Variants in SHC4 observed in about 807,000 individuals in gnomAD.
SHC4 encodes SHC adaptor protein 4.
A neutral mutation model predicts 69.4 loss-of-function variants in SHC4; 41 were observed. The ratio of observed to expected loss-of-function variants is 0.59; its 90% confidence interval spans 0.46 to 0.77. The LOEUF (loss-of-function observed/expected upper bound fraction) is 0.77, where lower values mean the gene tolerates loss of function less well. SHC4 is among the 30% of genes least tolerant of loss of function. The pLI is 0.00. For synonymous variants in SHC4, 318 were observed against 299.3 expected (o/e 1.06, Z -0.64); for missense variants, 777 against 783.8 (o/e 0.99, Z 0.10).
At chr15:48,877,725 T>A in intron 4 of SHC4, 1 of 258,564 alleles carries the variant, frequency 3.9e-6, no homozygotes, top group Non-Finnish European at 6.1e-6. Context: ...GATTAGTTCT[T>A]AATATGCTGA....
At chr15:48,954,572 A>G (rs554567861) in intron 1 of SHC4, among the ~76,000 whole-genome samples, 1 of 152,362 alleles carries the variant, frequency 6.6e-6, no homozygotes, top group South Asian at 2.1e-4. Context: ...GCTTTGCTGC[A>G]CTGGAGGAGC....
At chr15:48,875,441 A>G (rs893351560) in intron 4 of SHC4, among the ~76,000 whole-genome samples, 1 of 152,236 alleles carries the variant, frequency 6.6e-6, no homozygotes, top group Admixed American at 6.5e-5. Context: ...GCCTGCTTCT[A>G]AGGACATTTG....
chr15:48,859,608 G>A (rs1899399562), intron 6 of SHC4, among the ~76,000 whole-genome samples: 1 of 152,096 alleles, frequency 6.6e-6, no homozygotes, highest in African/African-American at 2.4e-5. Flanking sequence ...GATAGAAAAT[G>A]CTCTAAACAT....
At chr15:48,890,176 A>G (rs1158708798) in intron 3 of SHC4, among the ~76,000 whole-genome samples, 1 of 152,096 alleles carries the variant, frequency 6.6e-6, no homozygotes, top group African/African-American at 2.4e-5. Context: ...AGAGTACACC[A>G]TTTGTAGGTG....
chr15:48,936,563 C>T (rs1567074187), intron 1 of SHC4, among the ~76,000 whole-genome samples: 1 of 152,174 alleles, frequency 6.6e-6, no homozygotes, highest in Non-Finnish European at 1.5e-5. Flanking sequence ...CAAGCTTGTG[C>T]CTGCTTCCCC....
chr15:48,904,487 T>G (rs1342895632), intron 2 of SHC4, among the ~76,000 whole-genome samples: 1 of 152,244 alleles, frequency 6.6e-6, no homozygotes, highest in Non-Finnish European at 1.5e-5. Flanking sequence ...TCCACATGAT[T>G]GAGAAATCCT....
At chr15:48,914,701 T>G (rs906812267) in intron 2 of SHC4, among the ~76,000 whole-genome samples, 6 of 152,194 alleles carry the variant, frequency 3.9e-5, no homozygotes, top group African/African-American at 1.4e-4. Flanking sequence ...ACTTCAGTAC[T>G]CCAAAAATAT....
intron 2 of SHC4, among the ~76,000 whole-genome samples, chr15:48,920,634 G>A (rs537120082): frequency 3.9e-5 from 6 of 152,220 alleles, no homozygotes; most frequent in African/African-American, 1.4e-4. Context: ...GTACCAATTA[G>A]TACAAATAGA....
intron 2 of SHC4, among the ~76,000 whole-genome samples, chr15:48,906,132 T>C (rs1900401497): frequency 6.6e-6 from 1 of 152,164 alleles, no homozygotes; most frequent in Admixed American, 6.5e-5. Flanking sequence ...CTAAGTCCTA[T>C]AAAAGGGGCC....
intron 1 of SHC4, among the ~76,000 whole-genome samples, chr15:48,949,950 A>G (rs1438615062): frequency 1.4e-5 from 2 of 143,412 alleles, no homozygotes; most frequent in Non-Finnish European, 3.0e-5. Context: ...TATATATTAT[A>G]TATAATTTTA....
At chr15:48,943,630 C>T (rs1901217151) in intron 1 of SHC4, among the ~76,000 whole-genome samples, 1 of 152,092 alleles carries the variant, frequency 6.6e-6, no homozygotes, top group Non-Finnish European at 1.5e-5. Flanking sequence ...AATAGGATTG[C>T]TGGGTCATAT....
intron 1 of SHC4, among the ~76,000 whole-genome samples, chr15:48,937,572 T>C (rs1359386237): frequency 6.9e-6 from 1 of 145,822 alleles, no homozygotes; most frequent in East Asian, 2.0e-4. Context: ...TAGTACTCTA[T>C]CACACAGACA....
rs141997861 is a variant in SHC4 at position 48,825,907 on chromosome 15, A to T, written c.*64T>A. 2.3e-3 allele frequency: 3,480 copies of T among 1,545,812 alleles called. 5 individuals carry two copies. Among genetic ancestry groups the T allele is most frequent in the Non-Finnish European group, 2.7e-3 (3,086 of 1,146,506 alleles). On this transcript the variant is annotated 3_prime_UTR_variant, in exon 12 of 12. Coordinates refer to ENST00000332408, the MANE Select transcript of SHC4 (RefSeq NM_203349.4). ...TTTATCTACAAACAAAGTTTAAATT[A>T]TCTTTGTGTCCTAATACAAAATGGG...
At chr15:48,886,082 C>T (rs929339779) in intron 3 of SHC4, among the ~76,000 whole-genome samples, 1 of 152,066 alleles carries the variant, frequency 6.6e-6, no homozygotes, top group Non-Finnish European at 1.5e-5. Flanking sequence ...CATGGTGAAA[C>T]CCCGTCTCTA....
intron 2 of SHC4, among the ~76,000 whole-genome samples, chr15:48,894,772 A>G (rs1330003880): frequency 2.0e-5 from 3 of 151,998 alleles, no homozygotes; most frequent in African/African-American, 7.3e-5. Flanking sequence ...GCCTCTATTT[A>G]TATTTATTTA....
At position 48,826,139 on chromosome 15, in the gene SHC4, G is replaced by T; in HGVS notation, c.1738-13C>A. On this transcript the variant is annotated splice_polypyrimidine_tract_variant and intron_variant, in intron 11 of 11. Coordinates refer to ENST00000332408, the MANE Select transcript of SHC4 (RefSeq NM_203349.4). ...CCTTGGTCCTCACCTTGAAAAAGAAGTACAAATATATTTAGGTTAAATTAT... is the reference window on the plus strand; with the variant it reads ...CCTTGGTCCTCACCTTGAAAAAGAATTACAAATATATTTAGGTTAAATTAT... 6.3e-7 allele frequency: 1 copy of T among 1,599,428 alleles called. No homozygotes were observed. The highest frequency in any genetic ancestry group is 2.2e-5 in the East Asian group (1 of 44,592).
chr15:48,957,770 C>A (rs1382395033), intron 1 of SHC4, among the ~76,000 whole-genome samples: 1 of 152,104 alleles, frequency 6.6e-6, no homozygotes, highest in Non-Finnish European at 1.5e-5. Flanking sequence ...AGGGTCTTTG[C>A]AAATGTCATC....
chr15:48,935,846 G>A (rs576626401), intron 1 of SHC4, among the ~76,000 whole-genome samples: 4 of 151,978 alleles, frequency 2.6e-5, no homozygotes, highest in African/African-American at 7.3e-5. Context: ...TGGCAAAAAC[G>A]GACTTTTCTT....
intron 1 of SHC4, among the ~76,000 whole-genome samples, chr15:48,927,053 C>T (rs1900866874): frequency 6.6e-6 from 1 of 152,158 alleles, no homozygotes; most frequent in Non-Finnish European, 1.5e-5. Flanking sequence ...GAAGTTGTGT[C>T]TAGAGATTTC....
Sources: gnomAD v4.1 joint callset for allele counts (sites outside exome capture counted in the v4.1 genomes callset) on GRCh38, gnomAD v4.1.1 for gene constraint, MANE v1.5 for transcripts, NCBI Gene and HGNC (gene_info 2026-07-23, HGNC 2026-07-21) for gene names.